CNN3: variants seen among roughly 807,000 people sequenced by gnomAD.
The protein encoded by CNN3 is calponin-3.
A neutral mutation model predicts 39.0 loss-of-function variants in CNN3; 11 were observed. The ratio of observed to expected loss-of-function variants is 0.28; its 90% CI spans 0.18 to 0.47. The LOEUF is 0.47. Among genes scored for constraint, CNN3 ranks in the 20% least tolerant of loss-of-function variants. CNN3 has a pLI of 0.99. For synonymous variants in CNN3, 101 were observed against 138.3 expected (o/e 0.73, Z 1.89); for missense variants, 266 against 403.4 (o/e 0.66, Z 2.92).
intron 1 of CNN3, among the ~76,000 whole-genome samples, chr1:94,910,472 T>C (rs1167107371): frequency 6.7e-6 from 1 of 150,340 alleles, no homozygotes; most frequent in Non-Finnish European, 1.5e-5. Flanking sequence ...CCATCTCAAG[T>C]ATCAAGATTC....
intron 5 of CNN3, among the ~76,000 whole-genome samples, chr1:94,900,572 G>C (rs1328202439): frequency 1.3e-5 from 2 of 152,040 alleles, no homozygotes; most frequent in African/African-American, 4.8e-5. Flanking sequence ...ACTGACTACT[G>C]TTCTGAAATT....
chr1:94,897,962 C>G lies in CNN3; in HGVS notation c.770G>C (p.Gly257Ala). ...MGTNKVASQK[G>A]MSVYGLGRQV... ...CCGCCCAAGCCCATACACACTCATT[C>G]CTTTCTGGGAAGCAACTTTGTTGGT... Residue 257 changes from glycine to alanine, a missense_variant, in exon 7 of 7, where the codon GGA (glycine) becomes GCA (alanine). Transcript: ENST00000370206. The G allele has an allele frequency of 6.2e-7, 1 of 1,614,080 alleles. No individual in the cohort carries two copies. The highest frequency in any genetic ancestry group is 1.1e-5 in the South Asian group (1 of 91,078).
chr1:94,919,212 A>T (rs1182743386), intron 1 of CNN3, among the ~76,000 whole-genome samples: 1 of 152,208 alleles, frequency 6.6e-6, no homozygotes, highest in Non-Finnish European at 1.5e-5. Flanking sequence ...CCACCCCAGT[A>T]TTCAGAGTAG....
intron 1 of CNN3, among the ~76,000 whole-genome samples, chr1:94,916,673 G>C (rs1671285027): frequency 6.6e-6 from 1 of 152,180 alleles, no homozygotes; most frequent in African/African-American, 2.4e-5. Flanking sequence ...TCTGGCCTCA[G>C]ATTAAAATGG....
rs1477961218 is a variant in CNN3, at chr1:94,897,573, G to A, written c.*169C>T. On this transcript the variant is annotated 3_prime_UTR_variant, in exon 7 of 7. Coordinates refer to ENST00000370206, the MANE Select transcript of CNN3 (RefSeq NM_001839.5). ...ATTACAGCACTAAAAGGCAACTATT[G>A]AGGGAAGAGGCAGAAAAAGGAAAAA... The A allele has an allele frequency of 1.7e-6, 1 of 605,016 alleles. No individual in the cohort carries two copies. The highest frequency in any genetic ancestry group is 2.9e-6 in the Non-Finnish European group (1 of 346,318). 37.5% of individuals were successfully genotyped at this position (605,016 alleles called of 1,614,324 possible).
At chr1:94,901,999 A>C (rs1670880459) in intron 4 of CNN3, 122 bp downstream of exon 4, 8 of 858,048 alleles carry the variant, frequency 9.3e-6, no homozygotes, top group Non-Finnish European at 1.9e-6. Context: ...CCACAAAGCT[A>C]CTAATTACAG....
intron 1 of CNN3, among the ~76,000 whole-genome samples, chr1:94,913,012 T>C (rs2101731631): frequency 6.6e-6 from 1 of 152,348 alleles, no homozygotes; most frequent in East Asian, 1.9e-4. Context: ...TGTTCTCTTC[T>C]GTTTTGGTCA....
chr1:94,914,008 C>T (rs999172394), intron 1 of CNN3, among the ~76,000 whole-genome samples: 1 of 152,122 alleles, frequency 6.6e-6, no homozygotes, highest in African/African-American at 2.4e-5. Flanking sequence ...TTAGCTGAAG[C>T]CCCACAGGTA....
chr1:94,925,727 T>C (rs1346938935), intron 1 of CNN3: 2 of 985,322 alleles, frequency 2.0e-6, no homozygotes, highest in African/African-American at 3.5e-5. Flanking sequence ...GGTCGGACGG[T>C]GCGGTGGCAA....
chr1:94,903,499 G>A lies in CNN3; in HGVS notation c.83C>T (p.Ala28Val), dbSNP rs747787697. 6.2e-7 allele frequency: 1 copy of A among 1,613,924 alleles called. No homozygotes were observed. The part of the protein sequence containing the change: ...NKIASKYDHQ[A>V]EEDLRNWIEE... ...TATCCAATTGCGAAGATCTTCTTCT[G>A]CCTGATGATCATACTTGGAAGCAAT... The change falls in exon 2 of 7, where the codon GCA (alanine) becomes GTA (valine). Residue 28 changes from alanine to valine, a missense_variant. By Grantham distance (64) the Ala-to-Val change is moderately conservative. Transcript: ENST00000370206.
intron 1 of CNN3, chr1:94,925,835 G>A (rs1671561984): frequency 1.0e-6 from 1 of 985,202 alleles, no homozygotes; most frequent in Non-Finnish European, 1.2e-6. Flanking sequence ...AGGAGACAAT[G>A]AGCGTTCTGT....
intron 1 of CNN3, among the ~76,000 whole-genome samples, chr1:94,922,075 C>T (rs1034153467): frequency 6.6e-5 from 10 of 152,184 alleles, no homozygotes; most frequent in Middle Eastern, 3.4e-3. Context: ...CCAAAATCAG[C>T]AGCAAAGATG....
At chr1:94,906,044 G>A (rs1289322927) in intron 1 of CNN3, among the ~76,000 whole-genome samples, 5 of 152,024 alleles carry the variant, frequency 3.3e-5, no homozygotes, top group East Asian at 1.9e-4. Context: ...GTGCAGTGGC[G>A]TGAACTCAGC....
chr1:94,916,931 T>C (rs1671299911), intron 1 of CNN3, among the ~76,000 whole-genome samples: 1 of 152,236 alleles, frequency 6.6e-6, no homozygotes, highest in African/African-American at 2.4e-5. Context: ...AAAGATTTCT[T>C]CCTTTGAATT....
Position 94,925,923 on chromosome 1 carries a change from G to A in CNN3, c.57+915C>T, listed in dbSNP as rs373334682. On this transcript the variant is annotated intron_variant, in intron 1 of 6. Coordinates refer to ENST00000370206, the MANE Select transcript of CNN3 (RefSeq NM_001839.5). The stretch of plus-strand genomic sequence containing the variant: ...ATGGGCTTGGAATGCAGGGAGGGAG[G>A]AAGGAAGGAGAGGATTTGGGGAGGG... 13 of 629,694 alleles carry A rather than the reference G, an allele frequency of 2.1e-5. No individual in the cohort carries two copies. The African/African-American group carries it at 2.6e-4, about 13-fold the overall frequency. 39.0% of individuals were successfully genotyped at this position (629,694 alleles called of 1,614,324 possible).
rs1424216386 is a variant in CNN3 at position 94,926,925 on chromosome 1, T to C, written c.-31A>G. The C allele has an allele frequency of 3.7e-6, 6 of 1,603,694 alleles. No individual in the cohort carries two copies. In the Middle Eastern group the frequency reaches 5.0e-4, roughly 133 times the overall value. ...TTCGGGCGGCGGGAAGAGACAGCGCTGGGGTCCGGGGTCTCTCGCACTTCG... is the reference window on the plus strand; with the variant it reads ...TTCGGGCGGCGGGAAGAGACAGCGCCGGGGTCCGGGGTCTCTCGCACTTCG... On this transcript the variant is annotated 5_prime_UTR_variant, in exon 1 of 7. Coordinates refer to ENST00000370206, the MANE Select transcript of CNN3 (RefSeq NM_001839.5). This position sits in a 1 kb window ranked among gnomAD's most constrained non-coding sequence, Gnocchi z 4.2.
intron 6 of CNN3, 57 bp downstream of exon 6, chr1:94,899,314 G>C (rs1265665655): frequency 2.0e-6 from 3 of 1,515,478 alleles, no homozygotes; most frequent in Non-Finnish European, 2.7e-6. Context: ...TTAAACTTCT[G>C]GTTAATAAAA....
intron 1 of CNN3, among the ~76,000 whole-genome samples, chr1:94,914,201 C>A (rs1671228285): frequency 6.6e-6 from 1 of 152,158 alleles, no homozygotes; most frequent in Admixed American, 6.6e-5. Flanking sequence ...ACCCTTGAGT[C>A]AGGAGCATGG....
At chr1:94,915,829 CATA>C (rs1358570841) in intron 1 of CNN3, among the ~76,000 whole-genome samples, 5 of 152,294 alleles carry the variant, frequency 3.3e-5, no homozygotes, top group East Asian at 3.9e-4. Flanking sequence ...GTGGCTCTAG[CATA>C]ATAAGGTCAG....
Sources: gnomAD v4.1 joint callset for allele counts (sites outside exome capture counted in the v4.1 genomes callset) on GRCh38, gnomAD v4.1.1 for gene constraint, Gnocchi (gnomAD v3.1) non-coding constraint, MANE v1.5 for transcripts, NCBI Gene and HGNC (gene_info 2026-07-23, HGNC 2026-07-21) for gene names.